ARHGAP39: variants seen among roughly 807,000 people sequenced by gnomAD.
The protein encoded by ARHGAP39 is Rho GTPase activating protein 39, also known as rho GTPase-activating protein 39.
A neutral mutation model predicts 106.9 loss-of-function variants in ARHGAP39; 44 were observed. The ratio of observed to expected loss-of-function variants is 0.41; its 90% CI spans 0.32 to 0.53. ARHGAP39 has a LOEUF of 0.53. ARHGAP39 is among the 20% of genes least tolerant of loss of function. ARHGAP39 has a pLI of 0.21. For missense variants in ARHGAP39, 1,496 were observed against 1,577.3 expected (o/e 0.95, Z 0.87); for synonymous variants, 768 against 693.2 (o/e 1.11, Z -1.69).
intron 2 of ARHGAP39, among the ~76,000 whole-genome samples, chr8:144,583,164 C>T (rs1819060870): frequency 6.6e-6 from 1 of 152,362 alleles, no homozygotes; most frequent in East Asian, 1.9e-4. Context: ...CCTCCCAGCC[C>T]ACAGTGGGTC....
chr8:144,691,258 G>A, the ARHGAP39 span, among the ~76,000 whole-genome samples: 1 of 152,142 alleles, frequency 6.6e-6, no homozygotes, highest in African/African-American at 2.4e-5. Context: ...TCCTCAAGTG[G>A]ATCCAGGAGA....
chr8:144,587,654 C>CTTTTTT (rs1182233262), intron 2 of ARHGAP39, among the ~76,000 whole-genome samples: 1 of 136,084 alleles, frequency 7.3e-6, no homozygotes, highest in Non-Finnish European at 1.6e-5. Context: ...GGCAGAGAGA[C>CTTTTTT]TTTTTTTTTT....
rs1411462711 is a variant in ARHGAP39 at position 144,581,016 on chromosome 8, C to A, written c.342G>T (p.Glu114Asp). 1 of 1,588,558 alleles carries A rather than the reference C, an allele frequency of 6.3e-7. No individual in the cohort carries two copies. The highest frequency in any genetic ancestry group is 1.3e-5 in the African/African-American group (1 of 74,498). The change falls in exon 3 of 12, where the codon GAG becomes GAT. Residue 114 changes from glutamate to aspartate, a missense_variant. Coordinates refer to ENST00000377307, the MANE Select transcript of ARHGAP39 (RefSeq NM_025251.3). ...TGCTCTCCGCCGAGGCGCGCGGGGA[C>A]TCCGTGTTCTGCTTCAGCGTCTGCA... The part of the protein sequence containing the change: ...AKLQTLKQNT[E>D]SPRASAESSP...
At chr8:144,639,191 G>T (rs1821246827) in intron 1 of ARHGAP39, among the ~76,000 whole-genome samples, 1 of 151,928 alleles carries the variant, frequency 6.6e-6, no homozygotes, top group Admixed American at 6.5e-5. Flanking sequence ...GCCGGGCATG[G>T]TGGTACATGC....
chr8:144,568,979 A>G (rs1482014183), intron 3 of ARHGAP39, among the ~76,000 whole-genome samples: 1 of 152,206 alleles, frequency 6.6e-6, no homozygotes, highest in African/African-American at 2.4e-5. Context: ...AAATCATCAC[A>G]CTGTGTTAAT....
intron 2 of ARHGAP39, among the ~76,000 whole-genome samples, chr8:144,599,339 G>A (rs1010907385): frequency 2.6e-5 from 4 of 152,204 alleles, no homozygotes; most frequent in Non-Finnish European, 5.9e-5. Context: ...CAATCTCGAT[G>A]GTCTGGGAGG....
rs750801823 is a variant in ARHGAP39 at position 144,580,926 on chromosome 8, G to A, written c.432C>T (p.Pro144=). The change falls in exon 3 of 12, where the codon CCC becomes CCT. Residue 144 remains proline (P), a synonymous_variant. Coordinates refer to ENST00000377307, the MANE Select transcript of ARHGAP39 (RefSeq NM_025251.3). ...GCAACTCCTGCGCTTTCTCAGTGTC[G>A]GGCTCGGGCTCCAGGGAGGAGCTGG... ...GSTSSSLEPE[P]DTEKAQELPA... is the part of the protein sequence containing the mutation. 9 of 1,605,230 alleles carry A rather than the reference G, an allele frequency of 5.6e-6. No homozygotes were observed. In the East Asian group the frequency reaches 8.9e-5, roughly 16 times the overall value.
chr8:144,583,598 T>C (rs11984823), intron 2 of ARHGAP39, among the ~76,000 whole-genome samples: 15,846 of 152,216 alleles, frequency 0.1, 2,013 homozygotes, highest in African/African-American at 0.3. Context: ...TTGAGCACCA[T>C]GGATGCTTCC....
At chr8:144,629,760 C>T (rs953859344) in intron 1 of ARHGAP39, among the ~76,000 whole-genome samples, 39 of 152,040 alleles carry the variant, frequency 2.6e-4, no homozygotes, top group Non-Finnish European at 4.4e-4. Flanking sequence ...GGTGGGGCTG[C>T]GACAGGAAGA....
At chr8:144,536,723 G>A (rs957404143) in intron 7 of ARHGAP39, among the ~76,000 whole-genome samples, 1 of 152,208 alleles carries the variant, frequency 6.6e-6, no homozygotes, top group African/African-American at 2.4e-5. Context: ...GCCAGGGTGA[G>A]GACAAGTCCC....
intron 1 of ARHGAP39, among the ~76,000 whole-genome samples, chr8:144,658,703 C>T (rs1586642033): frequency 6.6e-6 from 1 of 152,100 alleles, no homozygotes; most frequent in African/African-American, 2.4e-5. Context: ...AGACTGACTG[C>T]TTTCCCCTCA....
chr8:144,538,246 A>G (rs1817045040), intron 6 of ARHGAP39, among the ~76,000 whole-genome samples: 1 of 152,258 alleles, frequency 6.6e-6, no homozygotes, highest in Admixed American at 6.5e-5. Flanking sequence ...CAGGTGCTGC[A>G]GTCAGAGAGG....
chr8:144,603,749 T>G (rs1335009200), intron 2 of ARHGAP39, among the ~76,000 whole-genome samples: 1 of 150,640 alleles, frequency 6.6e-6, no homozygotes, highest in Non-Finnish European at 1.5e-5. Flanking sequence ...TAGCACTGAA[T>G]GTTCTAAGAA....
rs549753686 is a variant in ARHGAP39, at chr8:144,661,856, G to A, written c.-82+23830C>T. ...TTCCCTCCTCCCCATTATCCACCTC[G>A]AACTGCTCCCTCTCCCCACTATTCA... is the stretch of plus-strand genomic sequence containing the variant. On this transcript the variant is annotated intron_variant, in intron 1 of 11. Coordinates refer to ENST00000377307, the MANE Select transcript of ARHGAP39 (RefSeq NM_025251.3). Among the ~76,000 whole-genome samples, 150 of 151,194 alleles carry A rather than the reference G, an allele frequency of 9.9e-4. 1 individual carries two copies. The highest frequency in any genetic ancestry group is 3.1e-3 in the African/African-American group (128 of 41,068).
Position 144,530,780 on chromosome 8 carries a change from G to A in ARHGAP39, c.3072C>T (p.Pro1024=), listed in dbSNP as rs373327760. 3.7e-6 allele frequency: 6 copies of A among 1,611,532 alleles called. No homozygotes were observed. The highest frequency in any genetic ancestry group is 4.5e-5 in the East Asian group (2 of 44,826). Residue 1024 remains proline, a synonymous_variant, in exon 11 of 12, where the codon CCC becomes CCT. Transcript: ENST00000377307. ...YEQCIAHYDS[P]EAAVAVVHAL... ...CGTGCACCACGGCCACCGCCGCCTC[G>A]GGGCTGTCGTAGTGCGCGATGCACT...
At chr8:144,676,906 G>A (rs935452202) in intron 1 of ARHGAP39, among the ~76,000 whole-genome samples, 24 of 152,254 alleles carry the variant, frequency 1.6e-4, no homozygotes, top group African/African-American at 2.2e-4. Flanking sequence ...CTGCCAGCAC[G>A]TTGTCACCTC....
At chr8:144,695,956 A>T in the ARHGAP39 span, among the ~76,000 whole-genome samples, 1 of 152,124 alleles carries the variant, frequency 6.6e-6, no homozygotes, top group Non-Finnish European at 1.5e-5. Context: ...GCCGAGATGG[A>T]GTCTGTCTGG....
rs760086265 is a variant in ARHGAP39, at chr8:144,530,891, C to T, written c.2981-20G>A. 6.3e-7 allele frequency: 1 copy of T among 1,595,176 alleles called. No individual in the cohort carries two copies. On this transcript the variant is annotated intron_variant, in intron 10 of 11. Coordinates refer to ENST00000377307, the MANE Select transcript of ARHGAP39 (RefSeq NM_025251.3). ...GGGACGCTGGGGACACAGCACGGGG[C>T]TCAGCGGCCCTGCTCGGCGGGCACC...
intron 7 of ARHGAP39, among the ~76,000 whole-genome samples, chr8:144,535,799 G>A (rs1430992556): frequency 1.4e-5 from 2 of 144,188 alleles, no homozygotes; most frequent in African/African-American, 5.9e-5. Context: ...AGCTGATGAA[G>A]GTGATCATAA....
Sources: gnomAD v4.1 joint callset for allele counts (sites outside exome capture counted in the v4.1 genomes callset) on GRCh38, gnomAD v4.1.1 for gene constraint, MANE v1.5 for transcripts, NCBI Gene and HGNC (gene_info 2026-07-23, HGNC 2026-07-21) for gene names.